Variants in MIPEP observed in about 807,000 individuals in gnomAD.
MIPEP encodes mitochondrial intermediate peptidase.
A neutral mutation model predicts 90.3 loss-of-function variants in MIPEP; 79 were observed. The observed-to-expected ratio is 0.87, with a 90% CI of 0.73 to 1.05. The LOEUF is 1.05. Among genes scored for constraint, MIPEP ranks in the 50% least tolerant of loss-of-function variants. The probability of loss-of-function intolerance (pLI) is 0.00; values close to 1 mark genes in which losing one functional copy is unlikely to be tolerated. For missense variants in MIPEP, 940 were observed against 905.6 expected, an observed-to-expected ratio of 1.04 and a Z score of -0.49; for synonymous variants, 334 against 315.8, an observed-to-expected ratio of 1.06 and a Z score of -0.61.
intron 16 of MIPEP, among the ~76,000 whole-genome samples, chr13:23,784,453 G>C (rs1272243466): frequency 6.6e-6 from 1 of 151,716 alleles, no homozygotes; most frequent in Non-Finnish European, 1.5e-5. Flanking sequence ...AGCTGAAACT[G>C]GATCCCTTCC....
At position 23,836,349 on chromosome 13, in the gene MIPEP, C is replaced by T. The variant is rs767742177; in HGVS notation, c.1544G>A (p.Gly515Glu). 6.5e-7 allele frequency: 1 copy of T among 1,550,190 alleles called. No individual in the cohort carries two copies. The highest frequency in any genetic ancestry group is 2.2e-5 in the Admixed American group (1 of 45,798). The change falls in exon 14 of 19, where the codon GGG (glycine) becomes GAG (glutamate). Residue 515 changes from glycine to glutamate, a missense_variant and splice_region_variant. Physicochemically the swap from Gly to Glu is moderately conservative, Grantham distance 98. Coordinates refer to ENST00000382172, the MANE Select transcript of MIPEP (RefSeq NM_005932.4). ...AGCAAAATCAGTAGGGCACCTGGTC[C>T]CTAAAACAAGAAAAAAAAAAAAGTT... is the stretch of plus-strand genomic sequence containing the variant. The part of the protein sequence containing the change: ...LGRTRYQHVT[G>E]TRCPTDFAEV...
intron 16 of MIPEP, among the ~76,000 whole-genome samples, chr13:23,779,465 G>A (rs1385593515): frequency 1.3e-5 from 2 of 152,036 alleles, no homozygotes; most frequent in Non-Finnish European, 2.9e-5. Context: ...TTAAAAAGGT[G>A]TATGGGGGGG....
At chr13:23,759,793 C>T (rs1473214745) in intron 17 of MIPEP, among the ~76,000 whole-genome samples, 1 of 152,174 alleles carries the variant, frequency 6.6e-6, no homozygotes, top group African/African-American at 2.4e-5. Flanking sequence ...ACAGGAGCAG[C>T]AGGGGCTGCT....
At chr13:23,798,701 G>A (rs1218992127) in intron 16 of MIPEP, among the ~76,000 whole-genome samples, 1 of 152,088 alleles carries the variant, frequency 6.6e-6, no homozygotes, top group Non-Finnish European at 1.5e-5. Context: ...AGATCGGGTT[G>A]TTTAAAAGTA....
intron 10 of MIPEP, among the ~76,000 whole-genome samples, chr13:23,845,470 A>T (rs1199555586): frequency 2.0e-5 from 3 of 152,140 alleles, no homozygotes; most frequent in Non-Finnish European, 4.4e-5. Flanking sequence ...TTTTACAGAA[A>T]ATGCATCCCG....
chr13:23,765,653 C>T (rs1952585267), intron 16 of MIPEP, among the ~76,000 whole-genome samples: 1 of 152,148 alleles, frequency 6.6e-6, no homozygotes, highest in Non-Finnish European at 1.5e-5. Flanking sequence ...CATATTGTGC[C>T]CATGTCTGGA....
rs540409384 is a variant in MIPEP at position 23,741,369 on chromosome 13, C to T, written c.2045-10924G>A. 1.8e-4 allele frequency among the ~76,000 whole-genome samples: 27 copies of T among 152,130 alleles called. 1 individual carries two copies. The highest frequency in any genetic ancestry group is 1.2e-3 in the South Asian group (6 of 4,810). ...TCATCCTACCATGAAGACATATGCA[C>T]GTGAATGTTCACTGATGCACTATTC... On this transcript the variant is annotated intron_variant, in intron 18 of 18. Coordinates refer to ENST00000382172, the MANE Select transcript of MIPEP (RefSeq NM_005932.4).
chr13:23,827,489 C>G (rs979452654), intron 14 of MIPEP, among the ~76,000 whole-genome samples: 120 of 152,224 alleles, frequency 7.9e-4, no homozygotes, highest in African/African-American at 2.9e-3. Context: ...TGAATTCCGA[C>G]AGTTTTAAAG....
intron 10 of MIPEP, among the ~76,000 whole-genome samples, chr13:23,857,981 T>C (rs1186927871): frequency 1.3e-5 from 2 of 151,996 alleles, no homozygotes; most frequent in Non-Finnish European, 2.9e-5. Flanking sequence ...TATGCTTTAA[T>C]GAGGAAAAAA....
intron 16 of MIPEP, among the ~76,000 whole-genome samples, chr13:23,774,971 T>G (rs1952696992): frequency 6.6e-6 from 1 of 151,924 alleles, no homozygotes; most frequent in Non-Finnish European, 1.5e-5. Context: ...ATTTTTTGTA[T>G]TTTTAGTAGA....
chr13:23,800,306 T>A (rs1034548425), intron 16 of MIPEP, among the ~76,000 whole-genome samples: 1 of 152,140 alleles, frequency 6.6e-6, no homozygotes, highest in Admixed American at 6.5e-5. Context: ...ATTACAAACC[T>A]AGAATGCTAC....
At chr13:23,780,468 A>G (rs1233981597) in intron 16 of MIPEP, among the ~76,000 whole-genome samples, 1 of 152,170 alleles carries the variant, frequency 6.6e-6, no homozygotes, top group Non-Finnish European at 1.5e-5. Context: ...CACCATCATC[A>G]AAGACCAAAG....
intron 5 of MIPEP, among the ~76,000 whole-genome samples, chr13:23,871,749 G>C (rs1437453212): frequency 6.6e-6 from 1 of 152,068 alleles, no homozygotes; most frequent in Non-Finnish European, 1.5e-5. Context: ...ATGGAAAAAA[G>C]TTTTAGGAGA....
chr13:23,793,461 A>C (rs1952921634), intron 16 of MIPEP, among the ~76,000 whole-genome samples: 1 of 152,204 alleles, frequency 6.6e-6, no homozygotes, highest in Non-Finnish European at 1.5e-5. Flanking sequence ...GTGGTTCCAC[A>C]GGCAAACATA....
intron 14 of MIPEP, among the ~76,000 whole-genome samples, chr13:23,830,222 G>A (rs977427967): frequency 1.3e-5 from 2 of 152,090 alleles, no homozygotes; most frequent in East Asian, 3.8e-4. Context: ...ATAAATGATG[G>A]AATATTATCT....
At chr13:23,771,488 A>G (rs542282009) in intron 16 of MIPEP, among the ~76,000 whole-genome samples, 1 of 152,242 alleles carries the variant, frequency 6.6e-6, no homozygotes, top group Non-Finnish European at 1.5e-5. Flanking sequence ...GTAAAATTAT[A>G]AAGTTATCAA....
intron 16 of MIPEP, among the ~76,000 whole-genome samples, chr13:23,777,293 C>T (rs1353166065): frequency 3.9e-5 from 6 of 152,120 alleles, no homozygotes; most frequent in Non-Finnish European, 5.9e-5. Context: ...GATCTTGCTT[C>T]TGTTGTTCCT....
intron 2 of MIPEP, among the ~76,000 whole-genome samples, chr13:23,883,247 T>C (rs1454723140): frequency 6.6e-6 from 1 of 152,120 alleles, no homozygotes; most frequent in African/African-American, 2.4e-5. Flanking sequence ...GATATTATTA[T>C]ACATGATAAA....
intron 14 of MIPEP, among the ~76,000 whole-genome samples, chr13:23,835,986 T>C (rs1170446200): frequency 6.6e-6 from 1 of 152,200 alleles, no homozygotes; most frequent in Non-Finnish European, 1.5e-5. Flanking sequence ...GGGGAGGTTA[T>C]GAGGACTAAA....
Sources: allele counts gnomAD v4.1 joint callset (sites outside exome capture counted in the v4.1 genomes callset), GRCh38; gene constraint gnomAD v4.1.1; transcripts MANE v1.5; gene names NCBI Gene and HGNC (gene_info 2026-07-23, HGNC 2026-07-21).